Variants in MYO16 observed in about 807,000 individuals in gnomAD.
MYO16 encodes the protein myosin XVI.
A neutral mutation model predicts 205.3 loss-of-function variants in MYO16; 94 were observed. The observed-to-expected ratio is 0.46, with a 90% CI of 0.39 to 0.54. MYO16 has a LOEUF of 0.54. Ranked by LOEUF, MYO16 falls within the 20% of genes least tolerant of loss-of-function variation. MYO16 has a pLI of 0.00. For missense variants in MYO16, 2,315 were observed against 2,387.5 expected (o/e 0.97, Z 0.63); for synonymous variants, 988 against 954.0 (o/e 1.04, Z -0.66).
At chr13:109,026,145 A>G (rs909114700) in intron 23 of MYO16, among the ~76,000 whole-genome samples, 4 of 152,248 alleles carry the variant, frequency 2.6e-5, no homozygotes, top group African/African-American at 4.8e-5. Context: ...CTTATGCATT[A>G]TAATGGGCTG....
intron 3 of MYO16, among the ~76,000 whole-genome samples, chr13:108,715,939 C>T (rs1369241647): frequency 6.6e-6 from 1 of 151,854 alleles, no homozygotes; most frequent in East Asian, 1.9e-4. Flanking sequence ...AGACTGAAAT[C>T]TCAAAAACTG....
At chr13:108,926,925 A>G (rs975196566) in intron 16 of MYO16, among the ~76,000 whole-genome samples, 1 of 152,232 alleles carries the variant, frequency 6.6e-6, no homozygotes, top group Admixed American at 6.5e-5. Flanking sequence ...TGTTTAGGCT[A>G]CAGGCACTGT....
At chr13:108,651,241 C>CTG (rs1880989833) in intron 1 of MYO16, among the ~76,000 whole-genome samples, 1 of 152,150 alleles carries the variant, frequency 6.6e-6, no homozygotes, top group Admixed American at 6.5e-5. Flanking sequence ...TTGGAGCTGT[C>CTG]TGTGGCACAA....
chr13:109,013,108 T>TCCCCCC (rs1177754621), intron 22 of MYO16, among the ~76,000 whole-genome samples: 8 of 32,610 alleles, frequency 2.5e-4, no homozygotes, highest in African/African-American at 5.4e-4. Flanking sequence ...ATGCTACCCC[T>TCCCCCC]CCCCCACCCC....
intron 13 of MYO16, among the ~76,000 whole-genome samples, chr13:108,884,739 C>T (rs196140): frequency 0.011 from 1,604 of 151,856 alleles, 25 homozygotes; most frequent in African/African-American, 0.037. Context: ...CGGGCTCTCA[C>T]CCATTCTAGA....
intron 4 of MYO16, among the ~76,000 whole-genome samples, chr13:108,741,413 C>CT: frequency 6.6e-6 from 1 of 152,262 alleles, no homozygotes; most frequent in Middle Eastern, 3.4e-3. Context: ...TGGATAGCAC[C>CT]TTAGCAGTAC....
chr13:108,591,086 C>G, the MYO16 span, among the ~76,000 whole-genome samples: 1 of 152,158 alleles, frequency 6.6e-6, no homozygotes, highest in Non-Finnish European at 1.5e-5. Context: ...TCCTGCAGCT[C>G]TGTAGGCCCT....
intron 29 of MYO16, among the ~76,000 whole-genome samples, chr13:109,123,616 T>C (rs1876102520): frequency 6.6e-6 from 1 of 152,190 alleles, no homozygotes; most frequent in East Asian, 1.9e-4. Context: ...TTCCTTTAGG[T>C]TACTTCAGAA....
intron 27 of MYO16, among the ~76,000 whole-genome samples, chr13:109,086,198 C>T (rs1216924245): frequency 6.6e-6 from 1 of 152,172 alleles, no homozygotes; most frequent in Non-Finnish European, 1.5e-5. Context: ...CACAAGCAAT[C>T]GAAGGTCACA....
chr13:108,938,488 A>T (rs2139308514), intron 16 of MYO16, among the ~76,000 whole-genome samples: 1 of 152,314 alleles, frequency 6.6e-6, no homozygotes, highest in African/African-American at 2.4e-5. Flanking sequence ...AATCCAGTGG[A>T]TGGCCACCAA....
chr13:108,743,265 T>A (rs1404719975), intron 4 of MYO16, among the ~76,000 whole-genome samples: 1 of 152,164 alleles, frequency 6.6e-6, no homozygotes, highest in African/African-American at 2.4e-5. Context: ...GAAAAAAACA[T>A]TTGGGGTGGA....
In MYO16 at chr13:109,022,778, T is replaced by C. The variant is rs190492205; in HGVS notation, c.2796+2867T>C. On this transcript the variant is annotated intron_variant, in intron 23 of 34. Coordinates refer to ENST00000457511, the MANE Select transcript of MYO16 (RefSeq NM_001198950.3). ...AACACATGTATATATTTATATATTATATATACACTATGTAAACATATGTAT... is the reference window on the plus strand; with the variant it reads ...AACACATGTATATATTTATATATTACATATACACTATGTAAACATATGTAT... Among the ~76,000 whole-genome samples the C allele has an allele frequency of 3.4e-3, 461 of 136,652 alleles. 7 individuals are homozygous for C. The highest frequency in any genetic ancestry group is 0.012 in the African/African-American group (446 of 37,750). The allele number at this position is 136,652 out of a possible 152,430, so 89.6% of individuals were successfully genotyped here.
intron 32 of MYO16, among the ~76,000 whole-genome samples, chr13:109,152,785 T>C (rs949275401): frequency 1.1e-4 from 16 of 152,138 alleles, no homozygotes; most frequent in African/African-American, 3.6e-4. Flanking sequence ...ATATCAGAGG[T>C]TAACTTCAGG....
intron 2 of MYO16, among the ~76,000 whole-genome samples, chr13:108,708,715 G>T (rs9559386): frequency 0.045 from 6,925 of 152,208 alleles, 228 homozygotes; most frequent in South Asian, 0.14. Context: ...TGTGTGAGAG[G>T]AGGTATAGAT....
At chr13:108,845,801 C>G (rs1877487253) in intron 10 of MYO16, among the ~76,000 whole-genome samples, 1 of 152,128 alleles carries the variant, frequency 6.6e-6, no homozygotes, top group South Asian at 2.1e-4. Flanking sequence ...ATTGCAGCCT[C>G]AACCTCACAG....
At chr13:108,604,798 C>T (rs748874866) in intron 1 of MYO16, among the ~76,000 whole-genome samples, 3 of 152,174 alleles carry the variant, frequency 2.0e-5, no homozygotes, top group South Asian at 4.1e-4. Context: ...TTCCTCACTA[C>T]GTTGTCAGCC....
chr13:109,104,324 C>G (rs560491060), intron 28 of MYO16, among the ~76,000 whole-genome samples: 3 of 152,168 alleles, frequency 2.0e-5, no homozygotes, highest in African/African-American at 7.2e-5. Flanking sequence ...ATCTGAGCAG[C>G]CTGCCCCTTG....
chr13:108,736,559 T>C (rs1362575530), intron 4 of MYO16, among the ~76,000 whole-genome samples: 1 of 152,176 alleles, frequency 6.6e-6, no homozygotes, highest in Non-Finnish European at 1.5e-5. Flanking sequence ...TGTAGTATAG[T>C]TTGAAGTCAG....
chr13:108,729,905 A>T (rs954857615), intron 4 of MYO16, among the ~76,000 whole-genome samples: 6 of 152,238 alleles, frequency 3.9e-5, no homozygotes, highest in African/African-American at 1.4e-4. Flanking sequence ...TCACAATTAA[A>T]TATTGCAGGA....
Sources: allele counts gnomAD v4.1 joint callset (sites outside exome capture counted in the v4.1 genomes callset), GRCh38; gene constraint gnomAD v4.1.1; transcripts MANE v1.5; gene names NCBI Gene and HGNC (gene_info 2026-07-23, HGNC 2026-07-21).